The following CDH13 variants were observed in gnomAD, a reference collection of about 807,000 sequenced individuals.
The protein encoded by CDH13 is cadherin 13, also known as cadherin-13.
Under a neutral mutation model 63.8 loss-of-function variants are expected in CDH13, and 24 were observed. The ratio of observed to expected loss-of-function variants is 0.38; its 90% CI spans 0.27 to 0.53. The LOEUF is 0.53. Among genes scored for constraint, CDH13 ranks in the 20% least tolerant of loss-of-function variants. CDH13 has a pLI of 0.85. For synonymous variants in CDH13, 503 were observed against 355.3 expected (o/e 1.42, Z -4.67); for missense variants, 1,049 against 903.1 (o/e 1.16, Z -2.07).
intron 6 of CDH13, among the ~76,000 whole-genome samples, chr16:83,480,819 A>G (rs192519536): frequency 2.0e-5 from 3 of 152,280 alleles, no homozygotes; most frequent in East Asian, 3.9e-4. Flanking sequence ...TCCAATGAGA[A>G]TCGTTCCAAC....
At chr16:83,765,982 A>G (rs1272271715) in intron 11 of CDH13, among the ~76,000 whole-genome samples, 1 of 152,168 alleles carries the variant, frequency 6.6e-6, no homozygotes, top group Non-Finnish European at 1.5e-5. Context: ...TTGGGGCCAT[A>G]GATTGTACCG....
At chr16:83,088,872 A>G (rs530582784) in intron 3 of CDH13, among the ~76,000 whole-genome samples, 1 of 152,348 alleles carries the variant, frequency 6.6e-6, no homozygotes, top group African/African-American at 2.4e-5. Flanking sequence ...AGCAACAACC[A>G]CAGGCTAGAT....
chr16:82,756,434 T>C (rs1225203793), intron 1 of CDH13, among the ~76,000 whole-genome samples: 2 of 152,168 alleles, frequency 1.3e-5, no homozygotes, highest in Non-Finnish European at 2.9e-5. Context: ...TGTTAAATCC[T>C]TCTCATGTGC....
In CDH13 at chr16:82,801,510, C is replaced by G. The variant is rs373924588; in HGVS notation, c.46-56852C>G. On this transcript the variant is annotated intron_variant, in intron 1 of 13. Transcript: ENST00000567109. ...CCATCAATCCAGAAATGATCAGATT[C>G]AGCCCTTGCTCACAGATGTGAAGCC... 3.9e-5 allele frequency among the ~76,000 whole-genome samples: 6 copies of G among 152,342 alleles called. No individual in the cohort carries two copies. In the South Asian group the frequency reaches 6.2e-4, roughly 16 times the overall value.
In CDH13 at chr16:83,513,621, G is replaced by A. The variant is rs183606567; in HGVS notation, c.960+26966G>A. On this transcript the variant is annotated intron_variant, in intron 7 of 13. Coordinates refer to ENST00000567109, the MANE Select transcript of CDH13 (RefSeq NM_001257.5). ...AGCAAGGAGAAGTGCTGAGCAATGC[G>A]CAGGGATAGCCCCTTATAAAACCGT... 6.9e-4 allele frequency among the ~76,000 whole-genome samples: 105 copies of A among 152,222 alleles called. 1 individual carries two copies. Among genetic ancestry groups the A allele is most frequent in the South Asian group, 2.9e-3 (14 of 4,818 alleles).
intron 3 of CDH13, among the ~76,000 whole-genome samples, chr16:83,111,002 CAAAAAAAAA>C (rs398030036): frequency 9.4e-6 from 1 of 106,292 alleles, no homozygotes; most frequent in Admixed American, 1.2e-4. Context: ...TAGGTTGTTG[CAAAAAAAAA>C]AAAAAAAAAA....
intron 7 of CDH13, among the ~76,000 whole-genome samples, chr16:83,567,991 G>C (rs1242154944): frequency 6.6e-6 from 1 of 152,104 alleles, no homozygotes; most frequent in Non-Finnish European, 1.5e-5. Flanking sequence ...CATTCACTTG[G>C]GGAATCAGCA....
intron 7 of CDH13, among the ~76,000 whole-genome samples, chr16:83,497,955 A>G (rs915220826): frequency 6.6e-6 from 1 of 152,242 alleles, no homozygotes; most frequent in Non-Finnish European, 1.5e-5. Context: ...TCACATTTTG[A>G]CAGCATAGTT....
chr16:82,670,273 G>A (rs529472091), intron 1 of CDH13, among the ~76,000 whole-genome samples: 1 of 152,324 alleles, frequency 6.6e-6, no homozygotes, highest in African/African-American at 2.4e-5. Context: ...GAGGGATCAG[G>A]AAATAACCCA....
chr16:83,000,620 C>G (rs1429472078), intron 2 of CDH13, among the ~76,000 whole-genome samples: 3 of 140,074 alleles, frequency 2.1e-5, no homozygotes. Context: ...GAGGGAGTCT[C>G]GTTCTGTTGC....
chr16:82,871,757 C>A (rs1018998035), intron 2 of CDH13, among the ~76,000 whole-genome samples: 2 of 152,158 alleles, frequency 1.3e-5, no homozygotes, highest in African/African-American at 4.8e-5. Context: ...GATCTAGATG[C>A]ATTAATGATA....
intron 10 of CDH13, among the ~76,000 whole-genome samples, chr16:83,695,575 C>G (rs1012598769): frequency 2.0e-5 from 3 of 152,126 alleles, no homozygotes; most frequent in Admixed American, 6.6e-5. Flanking sequence ...AAACCCACAG[C>G]TAGGCTCCAA....
intron 5 of CDH13, among the ~76,000 whole-genome samples, chr16:83,288,188 C>G (rs140748006): frequency 0.013 from 2,045 of 152,234 alleles, 50 homozygotes; most frequent in African/African-American, 0.047. Context: ...TGAGATGGTG[C>G]AGAAAGCAAG....
chr16:82,995,352 C>T (rs917688052), intron 2 of CDH13, among the ~76,000 whole-genome samples: 5 of 152,172 alleles, frequency 3.3e-5, no homozygotes, highest in African/African-American at 9.7e-5. Flanking sequence ...GGGTGATGGC[C>T]ACTAAGACAT....
chr16:82,832,324 A>G (rs190265164), intron 1 of CDH13, among the ~76,000 whole-genome samples: 107 of 152,326 alleles, frequency 7.0e-4, no homozygotes, highest in African/African-American at 2.2e-3. Flanking sequence ...TGCAATATCT[A>G]AGCTTGATTT....
intron 3 of CDH13, among the ~76,000 whole-genome samples, chr16:83,034,296 C>G (rs1196378527): frequency 6.6e-6 from 1 of 152,142 alleles, no homozygotes; most frequent in Non-Finnish European, 1.5e-5. Context: ...ACCTATCTGC[C>G]ATTCCTGGGC....
chr16:82,927,816 A>G (rs1004315894), intron 2 of CDH13, among the ~76,000 whole-genome samples: 1 of 152,208 alleles, frequency 6.6e-6, no homozygotes, highest in African/African-American at 2.4e-5. Context: ...TCAACAATGT[A>G]CTTATTGAGT....
At chr16:83,000,984 C>G (rs935469802) in intron 2 of CDH13, among the ~76,000 whole-genome samples, 2 of 152,192 alleles carry the variant, frequency 1.3e-5, no homozygotes, top group Non-Finnish European at 2.9e-5. Flanking sequence ...GCTACCCCTT[C>G]CAAACCTCAG....
chr16:83,025,217 T>C (rs1915688776), intron 2 of CDH13, among the ~76,000 whole-genome samples: 1 of 152,212 alleles, frequency 6.6e-6, no homozygotes, highest in Admixed American at 6.5e-5. Context: ...AGGATTATAG[T>C]ACCTTTCAGG....
Sources: allele counts gnomAD v4.1 joint callset (sites outside exome capture counted in the v4.1 genomes callset), GRCh38; gene constraint gnomAD v4.1.1; transcripts MANE v1.5; gene names NCBI Gene and HGNC (gene_info 2026-07-23, HGNC 2026-07-21).